ZNF280D: variants seen among roughly 807,000 people sequenced by gnomAD.
The protein encoded by ZNF280D is suppressor of hairy wing homolog 4.
A neutral mutation model predicts 94.7 loss-of-function variants in ZNF280D; 39 were observed. The ratio of observed to expected loss-of-function variants is 0.41; its 90% CI spans 0.32 to 0.54. The LOEUF (loss-of-function observed/expected upper bound fraction) is 0.54, where lower values mean the gene tolerates loss of function less well. Among genes scored for constraint, ZNF280D ranks in the 20% least tolerant of loss-of-function variants. ZNF280D has a pLI of 0.22. For missense variants in ZNF280D, 1,090 were observed against 1,149.3 expected (o/e 0.95, Z 0.75); for synonymous variants, 398 against 377.6 (o/e 1.05, Z -0.63).
chr15:56,727,539 C>T (rs2058685706), intron 1 of ZNF280D, among the ~76,000 whole-genome samples: 1 of 152,206 alleles, frequency 6.6e-6, no homozygotes, highest in Non-Finnish European at 1.5e-5. Context: ...AGAACTCTTC[C>T]AGCATCTACT....
intron 1 of ZNF280D, among the ~76,000 whole-genome samples, chr15:56,710,806 C>T (rs1310704174): frequency 2.0e-5 from 3 of 152,100 alleles, no homozygotes; most frequent in Non-Finnish European, 4.4e-5. Context: ...GTACAGAGCA[C>T]ATACTATGGA....
intron 1 of ZNF280D, among the ~76,000 whole-genome samples, chr15:56,717,265 C>A (rs2058096055): frequency 6.6e-6 from 1 of 152,096 alleles, no homozygotes; most frequent in Non-Finnish European, 1.5e-5. Flanking sequence ...GCAAAAATAA[C>A]AGATGTCCAC....
At chr15:56,660,994 A>G (rs2053906189) in intron 16 of ZNF280D, among the ~76,000 whole-genome samples, 1 of 152,068 alleles carries the variant, frequency 6.6e-6, no homozygotes, top group African/African-American at 2.4e-5. Context: ...TGGGGGAGAA[A>G]GGGGATGGCA....
At chr15:56,663,538 G>C (rs1470966484) in intron 16 of ZNF280D, among the ~76,000 whole-genome samples, 4 of 152,108 alleles carry the variant, frequency 2.6e-5, no homozygotes, top group Non-Finnish European at 5.9e-5. Context: ...TCGCCATTCA[G>C]TGGGATGCAC....
intron 20 of ZNF280D, among the ~76,000 whole-genome samples, chr15:56,637,920 G>A (rs1348809098): frequency 6.6e-6 from 1 of 151,830 alleles, no homozygotes. Context: ...TGCAAAGAAA[G>A]TATGCATAAG....
chr15:56,657,824 C>T (rs538970717), intron 17 of ZNF280D, among the ~76,000 whole-genome samples: 28 of 152,144 alleles, frequency 1.8e-4, no homozygotes, highest in African/African-American at 6.3e-4. Flanking sequence ...CTTCCTCAAA[C>T]GCTCAGCATG....
In ZNF280D at chr15:56,700,554, C is replaced by T. The variant is rs573492567; in HGVS notation, c.381+379G>A. 887 of 1,075,620 alleles carry T rather than the reference C, an allele frequency of 8.2e-4. 1 individual carries two copies. The highest frequency in any genetic ancestry group is 1.6e-3 in the Admixed American group (33 of 20,250). 66.6% of individuals were successfully genotyped at this position (1,075,620 alleles called of 1,614,324 possible). A position where few individuals can be genotyped will look rare whatever the true frequency, so the allele number is the denominator to read the frequency against. The stretch of plus-strand genomic sequence containing the variant: ...TAACTGAACTATGAAGGAATGTTTT[C>T]AGAATAAAAAGCTATGATGGTCACT... On this transcript the variant is annotated intron_variant, in intron 6 of 21. Coordinates refer to ENST00000267807, the MANE Select transcript of ZNF280D (RefSeq NM_017661.4).
Position 56,682,253 on chromosome 15 carries a change from C to A in ZNF280D, c.1004+1G>T. On this transcript the variant is annotated splice_donor_variant, in intron 10 of 21. Transcript: ENST00000267807. LOFTEE classifies it high-confidence loss of function. ...AGAAATAAAAACAAGTATTTACATA[C>A]CTAATGTTATTTTTTAGAATTTTCA... 6.5e-7 allele frequency: 1 copy of A among 1,540,826 alleles called. No individual in the cohort carries two copies. The highest frequency in any genetic ancestry group is 1.4e-5 in the African/African-American group (1 of 70,910).
rs112743536 is a variant in ZNF280D, at chr15:56,695,731, T to A, written c.382-2516A>T. Among the ~76,000 whole-genome samples, 197 of 152,092 alleles carry A rather than the reference T, an allele frequency of 1.3e-3. 5 individuals carry two copies. The highest frequency in any genetic ancestry group is 4.5e-3 in the African/African-American group (188 of 41,494). On this transcript the variant is annotated intron_variant, in intron 6 of 21. Coordinates refer to ENST00000267807, the MANE Select transcript of ZNF280D (RefSeq NM_017661.4). ...TTTTAATAGAGACAGGGTTTTACCA[T>A]GTTGGCCAGGATGGTCTACATCTCT...
intron 4 of ZNF280D, among the ~76,000 whole-genome samples, chr15:56,702,721 A>C (rs1447404405): frequency 6.6e-6 from 1 of 152,188 alleles, no homozygotes; most frequent in African/African-American, 2.4e-5. Flanking sequence ...CACTCCACTT[A>C]GCATTCCATG....
chr15:56,691,998 A>G (rs1301014942), intron 7 of ZNF280D, among the ~76,000 whole-genome samples: 1 of 152,148 alleles, frequency 6.6e-6, no homozygotes, highest in East Asian at 1.9e-4. Flanking sequence ...CATCCCACTT[A>G]CTGCTCAGGC....
rs57017142 is a variant in ZNF280D at position 56,694,294 on chromosome 15, T to TACAC, written c.382-1083_382-1080dup. Among the ~76,000 whole-genome samples, 461 of 138,494 alleles carry TACAC rather than the reference T, an allele frequency of 3.3e-3. 1 individual carries two copies. The highest frequency in any genetic ancestry group is 7.5e-3 in the South Asian group (31 of 4,112). 90.9% of individuals were successfully genotyped at this position (138,494 alleles called of 152,430 possible). ...ATTATACATTAAATATAATGACACA[T>TACAC]ACACACACACACACACACACACACA... On this transcript the variant is annotated intron_variant, in intron 6 of 21. Coordinates refer to ENST00000267807, the MANE Select transcript of ZNF280D (RefSeq NM_017661.4).
In ZNF280D at chr15:56,701,160, A is replaced by G; in HGVS notation, c.241+13T>C. 1 of 1,597,064 alleles carries G rather than the reference A, an allele frequency of 6.3e-7. No homozygotes were observed. The highest frequency in any genetic ancestry group is 8.5e-7 in the Non-Finnish European group (1 of 1,170,682). Reference sequence around the variant, plus strand: ...CTTCACTTTAAAATTAAAATAGTATAATAATACTGTACCTCGACTGAGTGC... The same window carrying G: ...CTTCACTTTAAAATTAAAATAGTATGATAATACTGTACCTCGACTGAGTGC... On this transcript the variant is annotated intron_variant, in intron 5 of 21. Coordinates refer to ENST00000267807, the MANE Select transcript of ZNF280D (RefSeq NM_017661.4).
At chr15:56,686,780 T>C (rs2056045311) in intron 9 of ZNF280D, among the ~76,000 whole-genome samples, 1 of 152,076 alleles carries the variant, frequency 6.6e-6, no homozygotes, top group African/African-American at 2.4e-5. Flanking sequence ...TTAAAGAAAC[T>C]GAGTTTTGAA....
In ZNF280D at chr15:56,630,312, A is replaced by C. The variant is rs1288467514; in HGVS notation, c.*1186T>G. The C allele has an allele frequency of 6.6e-6, 1 of 152,176 alleles. No homozygotes were observed. The highest frequency in any genetic ancestry group is 1.5e-5 in the Non-Finnish European group (1 of 67,994). 9.4% of individuals were successfully genotyped at this position (152,176 alleles called of 1,614,324 possible). ...AATCCAAAGCACATTTTAAGAAGTA[A>C]AAATGAAGCATTTTAAATAAAAGTT... On this transcript the variant is annotated 3_prime_UTR_variant, in exon 22 of 22. Transcript: ENST00000267807.
At chr15:56,685,967 T>C (rs1429843611) in intron 9 of ZNF280D, among the ~76,000 whole-genome samples, 1 of 152,106 alleles carries the variant, frequency 6.6e-6, no homozygotes, top group African/African-American at 2.4e-5. Flanking sequence ...TAAAACAAAG[T>C]AATTCAGAAG....
At chr15:56,682,625 G>T in intron 9 of ZNF280D, 148 bp from the exon 10 acceptor site, 1 of 526,480 alleles carries the variant, frequency 1.9e-6, no homozygotes, top group Non-Finnish European at 3.2e-6. Flanking sequence ...CCAAAAATTT[G>T]TGGTGCATGT....
At chr15:56,687,259 A>G (rs1389425031) in intron 9 of ZNF280D, among the ~76,000 whole-genome samples, 3 of 152,058 alleles carry the variant, frequency 2.0e-5, no homozygotes, top group Non-Finnish European at 2.9e-5. Flanking sequence ...TACTTTCCTT[A>G]TTTAAAATGT....
intron 1 of ZNF280D, 43 bp from the exon 2 acceptor site, chr15:56,707,349 A>T (rs1413718444): frequency 6.8e-7 from 1 of 1,470,850 alleles, no homozygotes; most frequent in Admixed American, 2.0e-5. Flanking sequence ...ACTTCATTAA[A>T]TTAGATGTAT....
Sources: allele counts gnomAD v4.1 joint callset (sites outside exome capture counted in the v4.1 genomes callset), GRCh38; gene constraint gnomAD v4.1.1; transcripts MANE v1.5; gene names NCBI Gene and HGNC (gene_info 2026-07-23, HGNC 2026-07-21).